The following IPO5 variants were observed in gnomAD, a reference collection of about 807,000 sequenced individuals.
IPO5 encodes importin 5.
In IPO5, 18 loss-of-function variants were observed where a neutral mutation model predicts 143.3. That is an observed-to-expected ratio of 0.13 (90% CI 0.09 to 0.19). The LOEUF (loss-of-function observed/expected upper bound fraction) is 0.19. Among genes scored for constraint, IPO5 ranks in the 10% least tolerant of loss-of-function variants. IPO5 has a pLI of 1.00. For synonymous variants in IPO5, 477 were observed against 465.7 expected, an observed-to-expected ratio of 1.02 and a Z score of -0.31; for missense variants, 1,013 against 1,336.9, an observed-to-expected ratio of 0.76 and a Z score of 3.78.
In IPO5 at chr13:98,003,031, T is replaced by G. The variant is rs1888933145; in HGVS notation, c.1491T>G (p.Leu497=). The G allele has an allele frequency of 6.2e-7, 1 of 1,605,264 alleles. No individual in the cohort carries two copies. Among genetic ancestry groups the G allele is most frequent in the Admixed American group, 1.7e-5 (1 of 58,084 alleles). The change falls in exon 16 of 29, where the codon CTT becomes CTG. Residue 497 remains leucine, a synonymous_variant. Coordinates refer to ENST00000651721, the MANE Select transcript of IPO5 (RefSeq NM_002271.6). ...TGCATTCCATTATGGTACTGAAGCT[T>G]CAAGAGGTAAGTTTTAAGATCTGTA... ...KHLHSIMVLK[L]QELIQKGTKL... is the part of the protein sequence containing the mutation.
chr13:98,008,642 A>T (rs1207876313), intron 18 of IPO5, among the ~76,000 whole-genome samples: 1 of 152,042 alleles, frequency 6.6e-6, no homozygotes, highest in Non-Finnish European at 1.5e-5. Flanking sequence ...ATTAGGAGGA[A>T]CCCCTGCCTC....
chr13:97,997,902 C>T (rs999908230), intron 12 of IPO5, among the ~76,000 whole-genome samples: 1 of 151,940 alleles, frequency 6.6e-6, no homozygotes, highest in Admixed American at 6.6e-5. Context: ...CTGAAAGATA[C>T]CTACAACAAC....
At chr13:98,010,365 A>G (rs1214776741) in intron 20 of IPO5, 141 bp downstream of exon 20, 8 of 790,920 alleles carry the variant, frequency 1.0e-5, no homozygotes, top group South Asian at 2.0e-5. Flanking sequence ...TTTCCATTTT[A>G]AAGAAATCGT....
intron 4 of IPO5, among the ~76,000 whole-genome samples, chr13:97,979,494 C>G (rs772736215): frequency 5.3e-5 from 8 of 152,226 alleles, no homozygotes; most frequent in Non-Finnish European, 7.4e-5. Context: ...GTGAATGTCC[C>G]TGAGTCTCAG....
intron 2 of IPO5, among the ~76,000 whole-genome samples, chr13:97,961,035 G>A (rs1046708043): frequency 6.6e-6 from 1 of 152,260 alleles, no homozygotes; most frequent in Non-Finnish European, 1.5e-5. Flanking sequence ...ACTGTCTATG[G>A]ATGTGCTGAT....
rs1433087177 is a variant in IPO5 at position 98,022,398 on chromosome 13, G to C, written c.*576G>C. 1 of 152,592 alleles carries C rather than the reference G, an allele frequency of 6.6e-6. No individual in the cohort carries two copies. Among genetic ancestry groups the C allele is most frequent in the African/African-American group, 2.4e-5 (1 of 41,436 alleles). The allele number at this position is 152,592 out of a possible 1,614,324, so 9.5% of individuals were successfully genotyped here. ...AGTGACTCAGTCGGGAAGCTTTCCA[G>C]CTTCCAGCCCTTGAATGTGAAGTGT... On this transcript the variant is annotated 3_prime_UTR_variant, in exon 29 of 29. Transcript: ENST00000651721.
At chr13:97,986,377 C>T (rs1267896261) in intron 6 of IPO5, among the ~76,000 whole-genome samples, 16 of 149,568 alleles carry the variant, frequency 1.1e-4, no homozygotes, top group South Asian at 8.4e-4. Flanking sequence ...TTTTTTGAGA[C>T]GGAGTTTCGC....
intron 4 of IPO5, among the ~76,000 whole-genome samples, chr13:97,980,694 G>A (rs1886767077): frequency 6.6e-6 from 1 of 152,106 alleles, no homozygotes; most frequent in Non-Finnish European, 1.5e-5. Context: ...GGGCGCGGTG[G>A]CAGGCGCCTG....
At chr13:98,013,750 C>T (rs1007973684) in intron 21 of IPO5, among the ~76,000 whole-genome samples, 2 of 152,164 alleles carry the variant, frequency 1.3e-5, no homozygotes, top group East Asian at 3.9e-4. Flanking sequence ...GTAGGTACAG[C>T]TTAAGGCATG....
chr13:97,996,311 G>A (rs1054985110), intron 11 of IPO5, among the ~76,000 whole-genome samples: 20 of 152,036 alleles, frequency 1.3e-4, no homozygotes, highest in South Asian at 2.1e-4. Context: ...TAAGCCTCCC[G>A]AAGTGCTGGG....
intron 18 of IPO5, among the ~76,000 whole-genome samples, chr13:98,008,828 CAT>C (rs1889475752): frequency 6.6e-6 from 1 of 152,174 alleles, no homozygotes; most frequent in African/African-American, 2.4e-5. Context: ...CAATGCCTAA[CAT>C]ATAACAAGGC....
rs1055807089 is a variant in IPO5, at chr13:97,953,691, A to G, written c.-218A>G. On this transcript the variant is annotated 5_prime_UTR_variant, in exon 1 of 29. Transcript: ENST00000651721. ...GGGATTGATGACCTCCCACAACTGG[A>G]GCAGCCGGGAACAGCTCTGACCACA... 1.3e-5 allele frequency: 3 copies of G among 234,916 alleles called. No individual in the cohort carries two copies. Among genetic ancestry groups the G allele is most frequent in the African/African-American group, 7.0e-5 (3 of 43,090 alleles). 14.6% of individuals were successfully genotyped at this position (234,916 alleles called of 1,614,324 possible). A position where few individuals can be genotyped will look rare whatever the true frequency, so the allele number is the denominator to read the frequency against.
chr13:98,021,165 A>G (rs201277858), intron 28 of IPO5, 32 bp downstream of exon 28: 30 of 1,563,764 alleles, frequency 1.9e-5, no homozygotes, highest in Non-Finnish European at 2.6e-5. Flanking sequence ...GGGGAGGGGG[A>G]GATAAAACCT....
chr13:97,972,460 C>G (rs1885900630), intron 3 of IPO5, among the ~76,000 whole-genome samples: 1 of 152,234 alleles, frequency 6.6e-6, no homozygotes, highest in Non-Finnish European at 1.5e-5. Context: ...CTGTGCAGTA[C>G]TTCCTAACAG....
intron 2 of IPO5, among the ~76,000 whole-genome samples, chr13:97,959,082 G>C (rs533309937): frequency 6.6e-6 from 1 of 151,848 alleles, no homozygotes; most frequent in Admixed American, 6.6e-5. Flanking sequence ...TGAGGCAAGA[G>C]AATTGCTTGA....
chr13:98,013,949 CAG>C (rs1889913288), intron 21 of IPO5, 91 bp from the exon 22 acceptor site: 2 of 1,051,328 alleles, frequency 1.9e-6, no homozygotes, highest in Non-Finnish European at 2.8e-6. Flanking sequence ...CTTAGATAAA[CAG>C]AAGTTGCCTA....
intron 6 of IPO5, 73 bp from the exon 7 acceptor site, chr13:97,988,989 A>G (rs2139682385): frequency 2.5e-6 from 2 of 788,410 alleles, no homozygotes; most frequent in African/African-American, 1.8e-5. Context: ...GGCTTATGAA[A>G]TGAAAGGATT....
At position 97,993,177 on chromosome 13, in the gene IPO5, A is replaced by G. The variant is rs1887944828; in HGVS notation, c.865A>G (p.Thr289Ala). 6.2e-7 allele frequency: 1 copy of G among 1,613,806 alleles called. No individual in the cohort carries two copies. The highest frequency in any genetic ancestry group is 8.5e-7 in the Non-Finnish European group (1 of 1,179,816). The change falls in exon 11 of 29, where the codon ACT becomes GCT. Residue 289 changes from threonine to alanine, a missense_variant. Coordinates refer to ENST00000651721, the MANE Select transcript of IPO5 (RefSeq NM_002271.6). ...TGAAGTGATCGTCACCCTCTCTGAG[A>G]CTGCAGCTGCTATGTTAAGAAAACA... Reference protein sequence around the residue: ...ALEVIVTLSETAAAMLRKHTN... With the variant: ...ALEVIVTLSEAAAAMLRKHTN...
intron 2 of IPO5, among the ~76,000 whole-genome samples, chr13:97,956,748 T>C (rs1234933853): frequency 6.6e-6 from 1 of 152,198 alleles, no homozygotes; most frequent in African/African-American, 2.4e-5. Flanking sequence ...AATAGTCAAT[T>C]CACACAAGCC....
Sources: gnomAD v4.1 joint callset for allele counts (sites outside exome capture counted in the v4.1 genomes callset) on GRCh38, gnomAD v4.1.1 for gene constraint, MANE v1.5 for transcripts, NCBI Gene and HGNC (gene_info 2026-07-23, HGNC 2026-07-21) for gene names.